Variants in SLC24A2 observed in about 807,000 individuals in gnomAD.
The protein encoded by SLC24A2 is sodium/potassium/calcium exchanger 2.
A neutral mutation model predicts 62.0 loss-of-function variants in SLC24A2; 36 were observed. The observed-to-expected ratio is 0.58, with a 90% CI of 0.44 to 0.77. The LOEUF is 0.77. Among genes scored for constraint, SLC24A2 ranks in the 30% least tolerant of loss-of-function variants. SLC24A2 has a pLI of 0.00. For missense variants in SLC24A2, 846 were observed against 817.9 expected, an observed-to-expected ratio of 1.03 and a Z score of -0.42; for synonymous variants, 358 against 294.0, an observed-to-expected ratio of 1.22 and a Z score of -2.23.
At chr9:20,243,951 GA>G in the SLC24A2 span, among the ~76,000 whole-genome samples, 4,842 of 152,174 alleles carry the variant, frequency 0.032, 111 homozygotes, top group African/African-American at 0.049. Flanking sequence ...GAGAGGAAGG[GA>G]GTGGGGAGGA....
At chr9:20,265,239 G>C in the SLC24A2 span, among the ~76,000 whole-genome samples, 4 of 152,342 alleles carry the variant, frequency 2.6e-5, no homozygotes, top group Admixed American at 2.0e-4. Flanking sequence ...ACAGTCTACT[G>C]TGTGGATTCC....
At chr9:19,887,315 G>C in the SLC24A2 span, among the ~76,000 whole-genome samples, 1 of 152,038 alleles carries the variant, frequency 6.6e-6, no homozygotes, top group Non-Finnish European at 1.5e-5. Flanking sequence ...GACCTTTGTT[G>C]GATGCATAAT....
At chr9:19,790,617 A>T (rs982974707), upstream of SLC24A2, among the ~76,000 whole-genome samples, 1 of 152,162 alleles carries the variant, frequency 6.6e-6, no homozygotes, top group Non-Finnish European at 1.5e-5. Flanking sequence ...TTTAAAAACA[A>T]CTGAACAGAT....
chr9:19,583,596 A>C (rs898877607), intron 5 of SLC24A2, among the ~76,000 whole-genome samples: 1 of 152,082 alleles, frequency 6.6e-6, no homozygotes, highest in African/African-American at 2.4e-5. Context: ...TGACTCTGTG[A>C]TGTGCTTCCT....
chr9:20,108,550 G>C, the SLC24A2 span, among the ~76,000 whole-genome samples: 21 of 152,148 alleles, frequency 1.4e-4, no homozygotes, highest in African/African-American at 5.1e-4. Context: ...CCTTTGTAGG[G>C]ACATGGATGA....
chr9:19,555,363 C>T (rs573021174), intron 7 of SLC24A2, among the ~76,000 whole-genome samples: 7 of 152,160 alleles, frequency 4.6e-5, no homozygotes, highest in African/African-American at 1.2e-4. Flanking sequence ...GTCATGTAAT[C>T]GATAAGATTC....
chr9:19,528,248 T>A (rs1833528713), intron 8 of SLC24A2, 110 bp from the exon 9 acceptor site: 3 of 759,730 alleles, frequency 3.9e-6, no homozygotes, highest in African/African-American at 3.5e-5. Flanking sequence ...ATTTCCTGCA[T>A]CTTAGTAGGA....
the SLC24A2 span, among the ~76,000 whole-genome samples, chr9:20,208,738 C>G: frequency 0.011 from 1,605 of 152,260 alleles, 30 homozygotes; most frequent in African/African-American, 0.037. Context: ...AGGCTACTGC[C>G]CAGAAGCTGA....
In SLC24A2 at chr9:19,550,269, C is replaced by T; in HGVS notation, c.1348-1G>A. 1 of 1,613,892 alleles carries T rather than the reference C, an allele frequency of 6.2e-7. No individual in the cohort carries two copies. Among genetic ancestry groups the T allele is most frequent in the Non-Finnish European group, 8.5e-7 (1 of 1,179,914 alleles). ...GCTGGTCCTCCTCCTCATCAGCGGTCTGTGGTAGAAAAAGAGGTAAAATTA... is the reference window on the plus strand; with the variant it reads ...GCTGGTCCTCCTCCTCATCAGCGGTTTGTGGTAGAAAAAGAGGTAAAATTA... On this transcript the variant is annotated splice_acceptor_variant, in intron 7 of 10. Transcript: ENST00000341998. LOFTEE classifies it high-confidence loss of function.
intron 5 of SLC24A2, among the ~76,000 whole-genome samples, chr9:19,578,718 G>A (rs1478217093): frequency 6.6e-6 from 1 of 152,164 alleles, no homozygotes; most frequent in Non-Finnish European, 1.5e-5. Flanking sequence ...TCCATGGTTT[G>A]GAATCATGGC....
intron 7 of SLC24A2, among the ~76,000 whole-genome samples, chr9:19,552,986 T>C (rs1369633873): frequency 6.6e-6 from 1 of 152,176 alleles, no homozygotes; most frequent in Non-Finnish European, 1.5e-5. Context: ...GAAGAGACTA[T>C]GTCTCAGGCT....
chr9:20,282,833 C>T, the SLC24A2 span, among the ~76,000 whole-genome samples: 9 of 152,284 alleles, frequency 5.9e-5, no homozygotes, highest in East Asian at 1.7e-3. Flanking sequence ...AAATACCTTT[C>T]ATGTTGGACA....
At chr9:19,913,882 TTTTTTAA>T in the SLC24A2 span, among the ~76,000 whole-genome samples, 1 of 152,044 alleles carries the variant, frequency 6.6e-6, no homozygotes, top group Non-Finnish European at 1.5e-5. Flanking sequence ...TTTTTTTTCT[TTTTTTAA>T]TTTTTGTTTT....
chr9:20,282,089 T>C, the SLC24A2 span, among the ~76,000 whole-genome samples: 3 of 152,294 alleles, frequency 2.0e-5, no homozygotes, highest in South Asian at 4.1e-4. Flanking sequence ...AAATTTTCTT[T>C]TATTAAAATG....
chr9:19,705,711 AG>A (rs1820493697), intron 2 of SLC24A2: 1 of 166,764 alleles, frequency 6.0e-6, no homozygotes, highest in Admixed American at 6.2e-5. Flanking sequence ...ATTCAGGAGC[AG>A]GTTGTTCAGT....
At chr9:20,000,212 C>A in the SLC24A2 span, among the ~76,000 whole-genome samples, 1 of 152,164 alleles carries the variant, frequency 6.6e-6, no homozygotes, top group Admixed American at 6.5e-5. Context: ...TATTATTTCA[C>A]CTTTTGAAGT....
At chr9:20,232,088 C>G in the SLC24A2 span, among the ~76,000 whole-genome samples, 1 of 152,178 alleles carries the variant, frequency 6.6e-6, no homozygotes, top group African/African-American at 2.4e-5. Flanking sequence ...ATGAAGCCCA[C>G]TTGATCATGG....
At chr9:19,898,972 C>G in the SLC24A2 span, among the ~76,000 whole-genome samples, 2 of 152,120 alleles carry the variant, frequency 1.3e-5, no homozygotes, top group Non-Finnish European at 1.5e-5. Flanking sequence ...TGGGTCTGTC[C>G]TAGCAGCAAG....
the SLC24A2 span, among the ~76,000 whole-genome samples, chr9:20,019,085 GAA>G: frequency 2.9e-5 from 1 of 34,608 alleles, no homozygotes; most frequent in Non-Finnish European, 5.1e-5. Context: ...GAGAAAGAGA[GAA>G]AGAAAGAAAG....
Sources: gnomAD v4.1 joint callset for allele counts (sites outside exome capture counted in the v4.1 genomes callset) on GRCh38, gnomAD v4.1.1 for gene constraint, MANE v1.5 for transcripts, NCBI Gene and HGNC (gene_info 2026-07-23, HGNC 2026-07-21) for gene names.